TRIQK: variants seen among roughly 807,000 people sequenced by gnomAD.
TRIQK encodes triple QxxK/R motif containing.
TRIQK carries 10 observed loss-of-function variants against 10.8 expected under a neutral mutation model. That is an observed-to-expected ratio of 0.92 (90% CI 0.57 to 1.57). The LOEUF is 1.57. Ranked by LOEUF, TRIQK falls within the 40% of genes most tolerant of loss-of-function variation. The probability of loss-of-function intolerance (pLI) is 0.00; values close to 1 mark genes in which losing one functional copy is unlikely to be tolerated. For synonymous variants in TRIQK, 33 were observed against 33.7 expected (o/e 0.98, Z 0.07); for missense variants, 107 against 97.7 (o/e 1.09, Z -0.40).
At chr8:92,980,395 G>A (rs937723759) in intron 1 of TRIQK, among the ~76,000 whole-genome samples, 8 of 151,778 alleles carry the variant, frequency 5.3e-5, no homozygotes, top group South Asian at 2.1e-4. Context: ...CTGCACTCAC[G>A]CGCGTGTGTG....
chr8:92,898,833 G>GTGTGTGTGTA (rs1256723943), intron 3 of TRIQK, among the ~76,000 whole-genome samples: 1 of 73,902 alleles, frequency 1.4e-5, no homozygotes, highest in African/African-American at 5.7e-5. Flanking sequence ...GTGTGTGTGT[G>GTGTGTGTGTA]TATATATATA....
At chr8:92,971,185 T>G (rs1261414918) in intron 1 of TRIQK, among the ~76,000 whole-genome samples, 1 of 152,142 alleles carries the variant, frequency 6.6e-6, no homozygotes. Context: ...CCGTGCTTCT[T>G]TGGTTACTGT....
chr8:92,990,462 A>C (rs1813084979), intron 1 of TRIQK, among the ~76,000 whole-genome samples: 1 of 152,138 alleles, frequency 6.6e-6, no homozygotes, highest in African/African-American at 2.4e-5. Context: ...TGTCGCTGGC[A>C]AGATGGCCCA....
intron 2 of TRIQK, chr8:92,953,540 AAAGT>A (rs1470949324): frequency 1.3e-5 from 2 of 152,054 alleles, no homozygotes; most frequent in Non-Finnish European, 2.9e-5. Flanking sequence ...GACCAAAAGA[AAAGT>A]AAGGAAATTG....
chr8:92,944,228 A>C (rs1811407640), intron 2 of TRIQK, among the ~76,000 whole-genome samples: 1 of 152,036 alleles, frequency 6.6e-6, no homozygotes, highest in Non-Finnish European at 1.5e-5. Context: ...GCATGTGGAG[A>C]AAAGGAAAAC....
intron 3 of TRIQK, among the ~76,000 whole-genome samples, chr8:92,902,518 C>T (rs1434494253): frequency 1.1e-4 from 17 of 152,130 alleles, no homozygotes; most frequent in Non-Finnish European, 2.4e-4. Flanking sequence ...GTGCCTCTTT[C>T]CTTAATACGA....
intron 2 of TRIQK, chr8:92,940,977 T>G (rs1476770377): frequency 6.6e-6 from 1 of 152,132 alleles, no homozygotes; most frequent in African/African-American, 2.4e-5. Flanking sequence ...AAGAAGAACT[T>G]TAGAAACTTT....
intron 2 of TRIQK, among the ~76,000 whole-genome samples, chr8:92,944,941 C>T (rs938556544): frequency 3.3e-5 from 5 of 151,856 alleles, no homozygotes; most frequent in South Asian, 2.1e-4. Context: ...AATGTATATA[C>T]GTATTAAAAC....
intron 1 of TRIQK, among the ~76,000 whole-genome samples, chr8:93,007,260 G>A (rs1813283639): frequency 6.6e-6 from 1 of 152,206 alleles, no homozygotes; most frequent in Non-Finnish European, 1.5e-5. Flanking sequence ...CCCTACGGAA[G>A]CACATAGGCC....
intron 1 of TRIQK, among the ~76,000 whole-genome samples, chr8:92,993,553 C>T (rs570924948): frequency 5.3e-5 from 8 of 152,282 alleles, no homozygotes; most frequent in African/African-American, 1.9e-4. Flanking sequence ...CACCCAGATA[C>T]GCTGCTCATT....
At chr8:92,977,942 T>C (rs1586520482) in intron 1 of TRIQK, among the ~76,000 whole-genome samples, 1 of 152,290 alleles carries the variant, frequency 6.6e-6, no homozygotes, top group Non-Finnish European at 1.5e-5. Flanking sequence ...TATGTTGTAT[T>C]TCCATTTTTG....
chr8:92,977,831 A>T (rs919303906), intron 1 of TRIQK, among the ~76,000 whole-genome samples: 3 of 152,102 alleles, frequency 2.0e-5, no homozygotes, highest in African/African-American at 7.2e-5. Flanking sequence ...AAACAGTGTA[A>T]TCCTTTTGAG....
At chr8:92,997,339 G>A (rs1813162544) in intron 1 of TRIQK, among the ~76,000 whole-genome samples, 1 of 152,038 alleles carries the variant, frequency 6.6e-6, no homozygotes, top group African/African-American at 2.4e-5. Context: ...TACAGTACAT[G>A]TGAGATATTA....
At chr8:92,952,096 A>G (rs1208807798) in intron 2 of TRIQK, among the ~76,000 whole-genome samples, 1 of 152,042 alleles carries the variant, frequency 6.6e-6, no homozygotes, top group Non-Finnish European at 1.5e-5. Context: ...AAAAAACACA[A>G]TTTGAAGAGA....
chr8:92,917,554 T>A (rs1809931180), intron 2 of TRIQK, among the ~76,000 whole-genome samples: 1 of 152,026 alleles, frequency 6.6e-6, no homozygotes, highest in Non-Finnish European at 1.5e-5. Flanking sequence ...AATATTTTCA[T>A]GCTTATTACC....
intron 2 of TRIQK, among the ~76,000 whole-genome samples, chr8:92,947,446 T>C (rs1386686721): frequency 6.6e-6 from 1 of 151,710 alleles, no homozygotes; most frequent in Admixed American, 6.6e-5. Context: ...TAGCTAGGCA[T>C]GGTGGTGGAC....
At chr8:92,993,265 T>C (rs1051832468) in intron 1 of TRIQK, among the ~76,000 whole-genome samples, 1 of 152,208 alleles carries the variant, frequency 6.6e-6, no homozygotes, top group Non-Finnish European at 1.5e-5. Flanking sequence ...TTATCTTCCC[T>C]ATCTGAATCT....
At chr8:92,900,230 T>C (rs185452350) in intron 3 of TRIQK, among the ~76,000 whole-genome samples, 5 of 152,310 alleles carry the variant, frequency 3.3e-5, no homozygotes, top group African/African-American at 1.2e-4. Flanking sequence ...TTTCCTTTGC[T>C]GTTCAGGAGC....
chr8:92,930,377 G>A (rs1170898992), intron 2 of TRIQK, among the ~76,000 whole-genome samples: 3 of 105,918 alleles, frequency 2.8e-5, no homozygotes, highest in Non-Finnish European at 5.2e-5. Context: ...GCAACAAAGC[G>A]AGACTAGGTC....
Sources: gnomAD v4.1 joint callset for allele counts (sites outside exome capture counted in the v4.1 genomes callset) on GRCh38, gnomAD v4.1.1 for gene constraint, MANE v1.5 for transcripts, NCBI Gene and HGNC (gene_info 2026-07-23, HGNC 2026-07-21) for gene names.